Variants in TG observed in about 807,000 individuals in gnomAD.
TG encodes the protein thyroglobulin, also known as thyroid hormones.
Under a neutral mutation model 324.7 loss-of-function variants are expected in TG, and 270 were observed. That is an observed-to-expected ratio of 0.83 (90% CI 0.75 to 0.92). The LOEUF is 0.92. TG is among the 40% of genes least tolerant of loss of function. TG has a pLI of 0.00. For synonymous variants in TG, 1,401 were observed against 1,327.0 expected, an observed-to-expected ratio of 1.06 and a Z score of -1.21; for missense variants, 3,591 against 3,456.4, an observed-to-expected ratio of 1.04 and a Z score of -0.98.
At position 133,133,665 on chromosome 8, in the gene TG, C is replaced by G; in HGVS notation, c.8188+5C>G. On this transcript the variant is annotated splice_donor_5th_base_variant and intron_variant, in intron 47 of 47. Transcript: ENST00000220616. ...CGTCTCTGAAGACATCTGCAGGTAG[C>G]AAAGCCCTGGGACAAGTGGAGGGAG... The G allele has an allele frequency of 6.2e-7, 1 of 1,612,694 alleles. No homozygotes were observed. The highest frequency in any genetic ancestry group is 8.5e-7 in the Non-Finnish European group (1 of 1,179,236).
intron 42 of TG, 80 bp downstream of exon 42, chr8:133,095,288 T>C: frequency 3.1e-6 from 5 of 1,595,268 alleles, no homozygotes; most frequent in Non-Finnish European, 1.7e-6. Flanking sequence ...GAAGGAGGTG[T>C]CACCCACCCC....
At chr8:133,067,863 A>C (rs2958702) in intron 41 of TG, among the ~76,000 whole-genome samples, 1 of 76,418 alleles carries the variant, frequency 1.3e-5, no homozygotes, top group Non-Finnish European at 2.5e-5. Context: ...AGAAAGAAAG[A>C]AAGAAAGGAA....
rs754048972 is a variant in TG at position 132,901,423 on chromosome 8, C to T, written c.3504C>T (p.Ala1168=). Residue 1168 remains alanine (A), a synonymous_variant, in exon 16 of 48, where the codon GCC becomes GCT. Coordinates refer to ENST00000220616, the MANE Select transcript of TG (RefSeq NM_003235.5). ...SRRVSPGYVP[A]CRAEDGGFSP... ...GAGTCAGCCCAGGCTATGTCCCAGC[C>T]TGCAGGGCAGAGGATGGGGGCTTTT... 6.2e-7 allele frequency: 1 copy of T among 1,614,240 alleles called. No homozygotes were observed. Among genetic ancestry groups the T allele is most frequent in the Non-Finnish European group, 8.5e-7 (1 of 1,180,040 alleles).
At chr8:132,914,862 G>A (rs186762955) in intron 20 of TG, among the ~76,000 whole-genome samples, 50 of 152,318 alleles carry the variant, frequency 3.3e-4, no homozygotes, top group African/African-American at 1.2e-3. Flanking sequence ...GTCACAGAGA[G>A]AGCACCTGCC....
chr8:132,900,485 C>T (rs1205043642), intron 15 of TG, 146 bp downstream of exon 15: 1 of 757,918 alleles, frequency 1.3e-6, no homozygotes, highest in South Asian at 1.5e-5. Context: ...CCTCAGTTTT[C>T]TCATCTATGA....
chr8:132,968,183 G>C (rs984930501), intron 31 of TG, among the ~76,000 whole-genome samples: 1 of 152,106 alleles, frequency 6.6e-6, no homozygotes, highest in Non-Finnish European at 1.5e-5. Context: ...ATATGAAAAA[G>C]GGTTATTTGG....
chr8:133,036,440 G>A (rs550696501), intron 41 of TG, among the ~76,000 whole-genome samples: 49 of 152,318 alleles, frequency 3.2e-4, no homozygotes, highest in Non-Finnish European at 6.0e-4. Context: ...CACAAGTAAC[G>A]TGCAGAAAAT....
chr8:133,091,580 G>A (rs1847535485), intron 41 of TG, among the ~76,000 whole-genome samples: 1 of 152,108 alleles, frequency 6.6e-6, no homozygotes, highest in Non-Finnish European at 1.5e-5. Context: ...GTGTGTTTGT[G>A]TGTATGTGTC....
intron 45 of TG, among the ~76,000 whole-genome samples, chr8:133,122,193 C>T (rs958726921): frequency 6.6e-6 from 1 of 152,132 alleles, no homozygotes; most frequent in African/African-American, 2.4e-5. Flanking sequence ...GGTTTTCTTA[C>T]TGTGCACCTG....
At chr8:133,071,969 T>C (rs1053863678) in intron 41 of TG, among the ~76,000 whole-genome samples, 6 of 152,190 alleles carry the variant, frequency 3.9e-5, no homozygotes, top group Non-Finnish European at 1.5e-5. Flanking sequence ...AGGTATTGTA[T>C]ATAAACTGCC....
chr8:132,907,387 T>A (rs1818845710), intron 17 of TG, among the ~76,000 whole-genome samples: 1 of 152,130 alleles, frequency 6.6e-6, no homozygotes, highest in African/African-American at 2.4e-5. Flanking sequence ...AGGGCATCAG[T>A]CCTGATTGCT....
chr8:132,921,375 C>T (rs796787978), intron 21 of TG, among the ~76,000 whole-genome samples: 15 of 152,342 alleles, frequency 9.8e-5, no homozygotes, highest in African/African-American at 3.6e-4. Flanking sequence ...TTCTCCCAAA[C>T]ATCTTCCCTG....
chr8:133,060,801 C>T (rs1332634277), intron 41 of TG, among the ~76,000 whole-genome samples: 1 of 152,188 alleles, frequency 6.6e-6, no homozygotes, highest in Non-Finnish European at 1.5e-5. Flanking sequence ...TTGCATCATG[C>T]TTAAGCCCAT....
At chr8:133,122,927 CG>C (rs1216702495) in intron 45 of TG, among the ~76,000 whole-genome samples, 1 of 152,050 alleles carries the variant, frequency 6.6e-6, no homozygotes, top group Non-Finnish European at 1.5e-5. Context: ...ATTTCCAGCG[CG>C]GCCTGTAATC....
At chr8:133,002,324 T>A (rs1325032196) in intron 35 of TG, 1 of 985,254 alleles carries the variant, frequency 1.0e-6, no homozygotes, top group African/African-American at 1.7e-5. Flanking sequence ...TTATTTTACT[T>A]CTTCCATGAT....
intron 45 of TG, among the ~76,000 whole-genome samples, chr8:133,126,671 C>T (rs933481520): frequency 8.6e-5 from 13 of 151,896 alleles, no homozygotes; most frequent in East Asian, 1.9e-4. Context: ...ATTTGGAAAG[C>T]AAATAATTAC....
Position 132,886,658 on chromosome 8 carries a change from A to G in TG, c.1286A>G (p.Gln429Arg). 2 of 1,614,232 alleles carry G rather than the reference A, an allele frequency of 1.2e-6. No homozygotes were observed. Among genetic ancestry groups the G allele is most frequent in the Non-Finnish European group, 1.7e-6 (2 of 1,180,042 alleles). ...CTTCTCCGCCCAATGGTGGAGGGAC[A>G]GAGCCAACAGTTTTCTGTCTCAGAA... ...SGLLRPMVEG[Q>R]SQQFSVSENL... The change falls in exon 9 of 48, where the codon CAG (glutamine) becomes CGG (arginine). Residue 429 changes from glutamine to arginine, a missense_variant. Gln to Arg is a conservative substitution (Grantham distance 43). Transcript: ENST00000220616.
Position 132,882,449 on chromosome 8 carries a change from G to C in TG, c.746-20G>C. On this transcript the variant is annotated intron_variant, in intron 6 of 47. Transcript: ENST00000220616. ...TTTCTGAATGAGACCATCTCTGAAA[G>C]TCTTGCTGTCTTTGCTCAGGTTTGG... is the stretch of plus-strand genomic sequence containing the variant. 1 of 1,614,230 alleles carries C rather than the reference G, an allele frequency of 6.2e-7. No individual in the cohort carries two copies. Among genetic ancestry groups the C allele is most frequent in the Non-Finnish European group, 8.5e-7 (1 of 1,180,030 alleles).
At chr8:132,922,875 A>T (rs1821307549) in intron 21 of TG, among the ~76,000 whole-genome samples, 1 of 152,186 alleles carries the variant, frequency 6.6e-6, no homozygotes, top group Non-Finnish European at 1.5e-5. Flanking sequence ...ATACCGTCAC[A>T]CTGGGCACTG....
Sources: gnomAD v4.1 joint callset for allele counts (sites outside exome capture counted in the v4.1 genomes callset) on GRCh38, gnomAD v4.1.1 for gene constraint, MANE v1.5 for transcripts, NCBI Gene and HGNC (gene_info 2026-07-23, HGNC 2026-07-21) for gene names.